The following SMARCAD1 variants were observed in gnomAD, a reference collection of about 807,000 sequenced individuals.
SMARCAD1 encodes the protein SWI/SNF-related matrix-associated actin-dependent regulator of chromatin subfamily A containing DEAD/H box 1.
SMARCAD1 carries 25 observed loss-of-function variants against 127.1 expected under a neutral mutation model. That is an observed-to-expected ratio of 0.20 (90% CI 0.14 to 0.27). The LOEUF (loss-of-function observed/expected upper bound fraction) is 0.27. Among genes scored for constraint, SMARCAD1 ranks in the 10% least tolerant of loss-of-function variants. The probability of loss-of-function intolerance (pLI) is 1.00; values close to 1 mark genes in which losing one functional copy is unlikely to be tolerated. For synonymous variants in SMARCAD1, 400 were observed against 396.9 expected, an observed-to-expected ratio of 1.01 and a Z score of -0.09; for missense variants, 807 against 1,206.0, an observed-to-expected ratio of 0.67 and a Z score of 4.90.
chr4:94,217,668 T>A (rs1430671062), intron 2 of SMARCAD1, among the ~76,000 whole-genome samples: 1 of 152,234 alleles, frequency 6.6e-6, no homozygotes, highest in Non-Finnish European at 1.5e-5. Context: ...ATTTAATTTC[T>A]GTAAAAATTC....
chr4:94,280,541 A>G (rs1753874172), intron 19 of SMARCAD1, 51 bp from the exon 20 acceptor site: 1 of 1,466,056 alleles, frequency 6.8e-7, no homozygotes, highest in Non-Finnish European at 9.5e-7. Context: ...TTCTCATCAT[A>G]TTATTAATTA....
Position 94,283,104 on chromosome 4 carries a change from ATTTG to A in SMARCAD1, c.2727-13_2727-10del. 1.2e-6 allele frequency: 2 copies of A among 1,601,238 alleles called. No individual in the cohort carries two copies. The highest frequency in any genetic ancestry group is 8.5e-7 in the Non-Finnish European group (1 of 1,170,008). On this transcript the variant is annotated splice_polypyrimidine_tract_variant and intron_variant, in intron 21 of 23. Coordinates refer to ENST00000354268, the MANE Select transcript of SMARCAD1 (RefSeq NM_020159.5). The stretch of plus-strand genomic sequence containing the variant: ...CAACTTTTTAGTGAGATTTAACCTA[ATTTG>A]TTTATCTTACAGGATTCATCTAATT...
intron 6 of SMARCAD1, among the ~76,000 whole-genome samples, chr4:94,247,478 C>T (rs188979505): frequency 7.9e-5 from 12 of 152,218 alleles, no homozygotes; most frequent in East Asian, 1.9e-4. Flanking sequence ...TATTTGATTC[C>T]GAAGAGCTGT....
At chr4:94,221,374 A>T (rs1744101047) in intron 2 of SMARCAD1, among the ~76,000 whole-genome samples, 1 of 152,166 alleles carries the variant, frequency 6.6e-6, no homozygotes. Context: ...GTTTTTTCGT[A>T]TGGTTCCAGT....
chr4:94,212,959 C>A, intron 2 of SMARCAD1: 1 of 704,540 alleles, frequency 1.4e-6, no homozygotes, highest in Non-Finnish European at 2.2e-6. Context: ...TTTTACTCTT[C>A]TCGGTGCCCA....
chr4:94,247,791 A>G lies in SMARCAD1; in HGVS notation c.706-1863A>G, dbSNP rs535455006. ...GGAATTATATAATATGTAACCTTTT[A>G]TGTCTAGCCTCTTATTTTTTAATTT... On this transcript the variant is annotated intron_variant, in intron 6 of 23. Transcript: ENST00000354268. Among the ~76,000 whole-genome samples, 5 of 152,240 alleles carry G rather than the reference A, an allele frequency of 3.3e-5. 1 individual carries two copies. The South Asian group carries it at 1.0e-3, about 32-fold the overall frequency.
chr4:94,208,381 T>C lies in SMARCAD1; in HGVS notation c.-14T>C. On this transcript the variant is annotated 5_prime_UTR_variant, in exon 2 of 24. Coordinates refer to ENST00000354268, the MANE Select transcript of SMARCAD1 (RefSeq NM_020159.5). Reference sequence around the variant, plus strand: ...TAAAGCCCCCATCCCTGCAAGGTGGTGCTTTCTACCAATATGAATCTTTTC... The same window carrying C: ...TAAAGCCCCCATCCCTGCAAGGTGGCGCTTTCTACCAATATGAATCTTTTC... 2 of 1,613,724 alleles carry C rather than the reference T, an allele frequency of 1.2e-6. No individual in the cohort carries two copies. The highest frequency in any genetic ancestry group is 8.5e-7 in the Non-Finnish European group (1 of 1,179,784).
chr4:94,276,032 C>T (rs1288215142), intron 14 of SMARCAD1, among the ~76,000 whole-genome samples: 5 of 151,960 alleles, frequency 3.3e-5, no homozygotes, highest in Non-Finnish European at 1.5e-5. Flanking sequence ...CTTCTGACCT[C>T]GTGATCCGCC....
rs545821723 is a variant in SMARCAD1, at chr4:94,281,286, A to G, written c.2608-186A>G. Among the ~76,000 whole-genome samples the G allele has an allele frequency of 3.9e-5, 6 of 152,354 alleles. No homozygotes were observed. In the East Asian group the frequency reaches 7.7e-4, roughly 20 times the overall value. On this transcript the variant is annotated intron_variant, in intron 20 of 23. Transcript: ENST00000354268. ...TGAAGTTAAGGCAGTTTATTCATAT[A>G]TAGGCTGCAATAAGACATACGTCTT...
At chr4:94,222,729 G>T (rs545421127) in intron 2 of SMARCAD1, among the ~76,000 whole-genome samples, 1 of 152,138 alleles carries the variant, frequency 6.6e-6, no homozygotes, top group Non-Finnish European at 1.5e-5. Context: ...TCAGGAGGCC[G>T]AGGCAGGTGG....
intron 8 of SMARCAD1, among the ~76,000 whole-genome samples, chr4:94,251,979 G>A (rs1010269094): frequency 1.6e-4 from 24 of 152,248 alleles, no homozygotes; most frequent in Admixed American, 1.4e-3. Context: ...AGCCTTCTGA[G>A]TAGCTGGGAT....
intron 18 of SMARCAD1, 96 bp from the exon 19 acceptor site, chr4:94,278,833 T>C (rs1313690947): frequency 1.2e-5 from 20 of 1,601,908 alleles, no homozygotes; most frequent in Non-Finnish European, 1.7e-5. Context: ...TAAAAAATTA[T>C]CTGGAATTTG....
In SMARCAD1 at chr4:94,252,834, C is replaced by T. The variant is rs750694296; in HGVS notation, c.1108C>T (p.Leu370=). 2 of 1,614,056 alleles carry T rather than the reference C, an allele frequency of 1.2e-6. No individual in the cohort carries two copies. The highest frequency in any genetic ancestry group is 1.7e-6 in the Non-Finnish European group (2 of 1,179,964). ...YDSGSDVGSS[L]DEDYSSGEEV... ...TTCAGGTTCTGATGTCGGTAGTTCA[C>T]TAGATGAGGACTATAGTAGTGGTGA... Residue 370 remains leucine (L), a synonymous_variant, in exon 9 of 24, where the codon CTA becomes TTA. Coordinates refer to ENST00000354268, the MANE Select transcript of SMARCAD1 (RefSeq NM_020159.5).
At chr4:94,217,781 C>T (rs28544271) in intron 2 of SMARCAD1, among the ~76,000 whole-genome samples, 20,318 of 152,164 alleles carry the variant, frequency 0.13, 1,665 homozygotes, top group Non-Finnish European at 0.19. Flanking sequence ...GGATCATAAA[C>T]ATTTATTGTG....
At chr4:94,211,209 T>C (rs1560506909) in intron 2 of SMARCAD1, among the ~76,000 whole-genome samples, 1 of 151,978 alleles carries the variant, frequency 6.6e-6, no homozygotes, top group Non-Finnish European at 1.5e-5. Context: ...GAGGTGGAGG[T>C]TGCAGTGAGC....
At chr4:94,283,452 C>G (rs1160794337) in intron 22 of SMARCAD1, 149 bp downstream of exon 22, 1 of 708,994 alleles carries the variant, frequency 1.4e-6, no homozygotes, top group Non-Finnish European at 2.5e-6. Context: ...CAGTGTTGAA[C>G]ATCAACTGCA....
chr4:94,228,197 C>G (rs542278205), intron 3 of SMARCAD1, among the ~76,000 whole-genome samples: 2 of 152,050 alleles, frequency 1.3e-5, no homozygotes, highest in Non-Finnish European at 2.9e-5. Flanking sequence ...AGTGAAGATC[C>G]TGCATGGTTA....
chr4:94,278,119 T>C (rs1753557682), intron 16 of SMARCAD1, among the ~76,000 whole-genome samples: 1 of 152,200 alleles, frequency 6.6e-6, no homozygotes, highest in Non-Finnish European at 1.5e-5. Flanking sequence ...ATGAGAGTTA[T>C]CTAGGTAATC....
intron 3 of SMARCAD1, among the ~76,000 whole-genome samples, chr4:94,229,591 T>C (rs1231989417): frequency 6.6e-6 from 1 of 152,068 alleles, no homozygotes; most frequent in Non-Finnish European, 1.5e-5. Context: ...AAGCCTGAAA[T>C]AAAAATTAGC....
Sources: gnomAD v4.1 joint callset for allele counts (sites outside exome capture counted in the v4.1 genomes callset) on GRCh38, gnomAD v4.1.1 for gene constraint, MANE v1.5 for transcripts, NCBI Gene and HGNC (gene_info 2026-07-23, HGNC 2026-07-21) for gene names.